The following RBFOX1 variants were observed in gnomAD, a reference collection of about 807,000 sequenced individuals.
The protein encoded by RBFOX1 is RNA binding fox-1 homolog 1.
In RBFOX1, 8 loss-of-function variants were observed where a neutral mutation model predicts 57.7. The observed-to-expected ratio is 0.14, with a 90% confidence interval of 0.08 to 0.25. The LOEUF is 0.25. RBFOX1 is among the 10% of genes least tolerant of loss of function. The probability of loss-of-function intolerance (pLI) is 1.00; values close to 1 mark genes in which losing one functional copy is unlikely to be tolerated. For missense variants in RBFOX1, 611 were observed against 548.5 expected, an observed-to-expected ratio of 1.11 and a Z score of -1.14; for synonymous variants, 326 against 222.4, an observed-to-expected ratio of 1.47 and a Z score of -4.15.
intron 4 of RBFOX1, among the ~76,000 whole-genome samples, chr16:6,009,669 G>A (rs1050828324): frequency 3.3e-5 from 5 of 152,078 alleles, no homozygotes; most frequent in Non-Finnish European, 7.3e-5. Flanking sequence ...AAAGCCCTCA[G>A]ATCTTAAAAT....
intron 4 of RBFOX1, among the ~76,000 whole-genome samples, chr16:6,000,772 G>A (rs1348652489): frequency 6.7e-6 from 1 of 149,710 alleles, no homozygotes; most frequent in Non-Finnish European, 1.5e-5. Flanking sequence ...TAGGTGGACA[G>A]GTAGATGGAT....
intron 4 of RBFOX1, among the ~76,000 whole-genome samples, chr16:7,281,769 C>G (rs1397573527): frequency 6.6e-6 from 1 of 152,100 alleles, no homozygotes; most frequent in African/African-American, 2.4e-5. Flanking sequence ...GAGTTTGAAT[C>G]CAGGAGACAA....
chr16:7,083,332 A>G (rs10500347), intron 4 of RBFOX1, among the ~76,000 whole-genome samples: 5 of 151,958 alleles, frequency 3.3e-5, no homozygotes, highest in Non-Finnish European at 5.9e-5. Flanking sequence ...CTTAGGGCGA[A>G]TCTCATTCCT....
intron 3 of RBFOX1, among the ~76,000 whole-genome samples, chr16:5,843,638 A>G (rs183265882): frequency 6.6e-6 from 1 of 152,180 alleles, no homozygotes; most frequent in Non-Finnish European, 1.5e-5. Flanking sequence ...ACACATTATT[A>G]TTTTTAACAC....
intron 4 of RBFOX1, among the ~76,000 whole-genome samples, chr16:5,874,075 G>A (rs1489132860): frequency 6.6e-5 from 10 of 152,204 alleles, no homozygotes; most frequent in Admixed American, 6.5e-4. Flanking sequence ...AGAGAGGTAG[G>A]GGTATTGGAT....
chr16:6,645,071 C>T (rs958799866), intron 2 of RBFOX1, among the ~76,000 whole-genome samples: 4 of 152,192 alleles, frequency 2.6e-5, no homozygotes, highest in East Asian at 3.9e-4. Flanking sequence ...GAAGATTCAT[C>T]TTTGCCTCTT....
At chr16:7,269,461 G>C (rs2095263608) in intron 4 of RBFOX1, among the ~76,000 whole-genome samples, 1 of 151,774 alleles carries the variant, frequency 6.6e-6, no homozygotes, top group Admixed American at 6.6e-5. Flanking sequence ...TGTGTTTGTG[G>C]GACAGAGAGA....
chr16:7,362,405 A>G (rs1265994534), intron 4 of RBFOX1, among the ~76,000 whole-genome samples: 2 of 148,946 alleles, frequency 1.3e-5, no homozygotes, highest in Non-Finnish European at 3.0e-5. Flanking sequence ...GATTGTGTGT[A>G]TATGTTTTGT....
chr16:6,636,616 G>A (rs1290756660), intron 2 of RBFOX1, among the ~76,000 whole-genome samples: 1 of 151,132 alleles, frequency 6.6e-6, no homozygotes. Context: ...TGTATTTTTT[G>A]TGTGCATGAT....
intron 1 of RBFOX1, among the ~76,000 whole-genome samples, chr16:5,244,373 G>A (rs1330563231): frequency 6.6e-6 from 1 of 152,158 alleles, no homozygotes; most frequent in Non-Finnish European, 1.5e-5. Context: ...CACAAGACTT[G>A]CCTGTTCCCC....
At chr16:5,922,595 A>G (rs763377226) in intron 4 of RBFOX1, among the ~76,000 whole-genome samples, 18 of 152,154 alleles carry the variant, frequency 1.2e-4, no homozygotes, top group Non-Finnish European at 2.1e-4. Context: ...GTGCACAGTC[A>G]TCCGCCCACT....
At chr16:6,802,802 C>A (rs978140042) in intron 3 of RBFOX1, among the ~76,000 whole-genome samples, 1 of 152,154 alleles carries the variant, frequency 6.6e-6, no homozygotes, top group African/African-American at 2.4e-5. Context: ...AGTAGGCTGA[C>A]CCAAAATATT....
At chr16:5,943,968 C>T (rs986278238) in intron 4 of RBFOX1, among the ~76,000 whole-genome samples, 1 of 151,198 alleles carries the variant, frequency 6.6e-6, no homozygotes, top group Non-Finnish European at 1.5e-5. Flanking sequence ...TCCATCCACC[C>T]CCCCACCCAT....
At chr16:6,575,853 T>G (rs991482579) in intron 2 of RBFOX1, among the ~76,000 whole-genome samples, 1 of 125,872 alleles carries the variant, frequency 7.9e-6, no homozygotes, top group Admixed American at 8.4e-5. Flanking sequence ...TGAGACTCCA[T>G]CTCAATAAAA....
At chr16:6,986,244 A>G (rs2153601005) in intron 3 of RBFOX1, among the ~76,000 whole-genome samples, 1 of 148,032 alleles carries the variant, frequency 6.8e-6, no homozygotes, top group African/African-American at 2.6e-5. Context: ...TCTGTCACCC[A>G]GGCTGGAGTG....
chr16:7,233,154 C>T (rs80291079), intron 4 of RBFOX1, among the ~76,000 whole-genome samples: 2,091 of 152,134 alleles, frequency 0.014, 49 homozygotes, highest in African/African-American at 0.049. Flanking sequence ...AGAGTTAATC[C>T]CAACCACCTT....
intron 2 of RBFOX1, among the ~76,000 whole-genome samples, chr16:6,604,077 C>G (rs1049046656): frequency 6.6e-6 from 1 of 152,034 alleles, no homozygotes; most frequent in African/African-American, 2.4e-5. Flanking sequence ...ACACCCAGAT[C>G]CCTTTTTGGT....
intron 4 of RBFOX1, among the ~76,000 whole-genome samples, chr16:7,496,234 C>T (rs762177531): frequency 5.3e-5 from 8 of 152,206 alleles, no homozygotes; most frequent in African/African-American, 9.7e-5. Context: ...ACCTCCATCT[C>T]CCAGTTCAAG....
rs1292458768 is a variant in RBFOX1 at position 7,460,428 on chromosome 16, T to C, written c.28-57719T>C. 2.1e-5 allele frequency among the ~76,000 whole-genome samples: 3 copies of C among 142,352 alleles called. 1 individual carries two copies. The highest frequency in any genetic ancestry group is 4.5e-4 in the South Asian group (2 of 4,468). 93.4% of individuals were successfully genotyped at this position (142,352 alleles called of 152,430 possible). A position where few individuals can be genotyped will look rare whatever the true frequency, so the allele number is the denominator to read the frequency against. On this transcript the variant is annotated intron_variant, in intron 4 of 15. Transcript: ENST00000550418. ...GTGTGTGTGTGTGTGTATATACATA[T>C]GTGTGTGTATATATGTATGTGTGTA...
Sources: allele counts gnomAD v4.1 joint callset (sites outside exome capture counted in the v4.1 genomes callset), GRCh38; gene constraint gnomAD v4.1.1; transcripts MANE v1.5; gene names NCBI Gene and HGNC (gene_info 2026-07-23, HGNC 2026-07-21).